Variants in ANKRD12 observed in about 807,000 individuals in gnomAD.
The protein encoded by ANKRD12 is ankyrin repeat domain 12.
A neutral mutation model predicts 183.4 loss-of-function variants in ANKRD12; 85 were observed. The observed-to-expected ratio is 0.46, with a 90% CI of 0.39 to 0.56. The LOEUF (loss-of-function observed/expected upper bound fraction) is 0.56, where lower values mean the gene tolerates loss of function less well. ANKRD12 is among the 20% of genes least tolerant of loss of function. The pLI, the probability that ANKRD12 is intolerant of heterozygous loss-of-function variation, is 0.00. For missense variants in ANKRD12, 2,405 were observed against 2,357.1 expected (o/e 1.02, Z -0.42); for synonymous variants, 914 against 800.2 (o/e 1.14, Z -2.40).
At chr18:9,237,200 A>G (rs1443518370) in intron 8 of ANKRD12, among the ~76,000 whole-genome samples, 1 of 152,166 alleles carries the variant, frequency 6.6e-6, no homozygotes, top group Non-Finnish European at 1.5e-5. Context: ...AACAAAACTC[A>G]AGAGTCCTAG....
intron 1 of ANKRD12, among the ~76,000 whole-genome samples, chr18:9,163,400 G>T (rs2031673867): frequency 6.6e-6 from 1 of 152,066 alleles, no homozygotes; most frequent in South Asian, 2.1e-4. Flanking sequence ...CCATTGGTCT[G>T]TGTGTCTGTT....
At chr18:9,157,602 TA>T (rs1375962857) in intron 1 of ANKRD12, among the ~76,000 whole-genome samples, 33 of 118,822 alleles carry the variant, frequency 2.8e-4, no homozygotes, top group East Asian at 2.7e-4. Flanking sequence ...TATATATATG[TA>T]TTTTTTTTTT....
chr18:9,157,909 G>A (rs2030851104), intron 1 of ANKRD12, among the ~76,000 whole-genome samples: 1 of 152,104 alleles, frequency 6.6e-6, no homozygotes, highest in Non-Finnish European at 1.5e-5. Flanking sequence ...TTTTAATCAT[G>A]AGAAGTCAAA....
At chr18:9,211,903 CT>C (rs1448581927) in intron 6 of ANKRD12, 119 bp downstream of exon 6, 1 of 876,086 alleles carries the variant, frequency 1.1e-6, no homozygotes, top group South Asian at 1.9e-5. Flanking sequence ...TAAAAATACT[CT>C]TTATTACAAA....
chr18:9,281,212 C>T lies in ANKRD12; in HGVS notation c.*86C>T. 1.0e-5 allele frequency: 11 copies of T among 1,095,896 alleles called. No homozygotes were observed. The South Asian group carries it at 1.7e-4, about 17-fold the overall frequency. 67.9% of individuals were successfully genotyped at this position (1,095,896 alleles called of 1,614,324 possible). A position where few individuals can be genotyped will look rare whatever the true frequency, so the allele number is the denominator to read the frequency against. ...AATACTGCCTTTTGACAAAAATACT[C>T]ATGCCTTTACAATTGTTAGTAAAGT... On this transcript the variant is annotated 3_prime_UTR_variant, in exon 13 of 13. Coordinates refer to ENST00000262126, the MANE Select transcript of ANKRD12 (RefSeq NM_015208.5).
chr18:9,151,515 A>G (rs942733694), intron 1 of ANKRD12, among the ~76,000 whole-genome samples: 2 of 152,190 alleles, frequency 1.3e-5, no homozygotes, highest in African/African-American at 2.4e-5. Flanking sequence ...AGGTCAACCA[A>G]AAAGTCTTTG....
intron 1 of ANKRD12, among the ~76,000 whole-genome samples, chr18:9,153,592 C>G (rs561922733): frequency 1.8e-4 from 28 of 152,174 alleles, no homozygotes; most frequent in Middle Eastern, 3.4e-3. Context: ...GTTCTTTCAC[C>G]TTTTCTTATT....
chr18:9,211,667 A>C lies in ANKRD12; in HGVS notation c.535A>C (p.Asn179His). ...TTCATCTCGACAGAAAGATAAAGTTAATAAAAGAAATGAACGTGGTGAAAC... is the reference window on the plus strand; with the variant it reads ...TTCATCTCGACAGAAAGATAAAGTTCATAAAAGAAATGAACGTGGTGAAAC... ...SSSSRQKDKV[N>H]KRNERGETPL... Residue 179 changes from asparagine (N) to histidine (H), a missense_variant, in exon 6 of 13, where the codon AAT becomes CAT. By Grantham distance (68) the Asn-to-His change is moderately conservative (BLOSUM62 1). Transcript: ENST00000262126. 6.2e-7 allele frequency: 1 copy of C among 1,613,936 alleles called. No homozygotes were observed. Among genetic ancestry groups the C allele is most frequent in the Non-Finnish European group, 8.5e-7 (1 of 1,179,874 alleles).
intron 1 of ANKRD12, among the ~76,000 whole-genome samples, chr18:9,170,587 GT>G (rs956107939): frequency 6.6e-6 from 1 of 151,996 alleles, no homozygotes; most frequent in Non-Finnish European, 1.5e-5. Flanking sequence ...CTCTGCATTG[GT>G]TATTCTAGTT....
In ANKRD12 at chr18:9,240,889, T is replaced by C. The variant is rs1230852698; in HGVS notation, c.944-13322T>C. Among the ~76,000 whole-genome samples the C allele has an allele frequency of 3.3e-5, 5 of 152,304 alleles. No individual in the cohort carries two copies. In the East Asian group the frequency reaches 7.7e-4, roughly 23 times the overall value. On this transcript the variant is annotated intron_variant, in intron 8 of 12. Transcript: ENST00000262126. Reference sequence around the variant, plus strand: ...ATGACCAGGACTTTGAAGCCTACTTTTCTCAGTGTTATAACAGTAAATTGT... The same window carrying C: ...ATGACCAGGACTTTGAAGCCTACTTCTCTCAGTGTTATAACAGTAAATTGT...
At chr18:9,254,112 G>A (rs2038456142) in intron 8 of ANKRD12, 99 bp from the exon 9 acceptor site, 4 of 1,260,284 alleles carry the variant, frequency 3.2e-6, no homozygotes, top group East Asian at 5.5e-5. Context: ...TTTGAAATAT[G>A]TATTGTATAA....
chr18:9,252,071 A>T (rs1223982392), intron 8 of ANKRD12, among the ~76,000 whole-genome samples: 1 of 152,130 alleles, frequency 6.6e-6, no homozygotes, highest in Non-Finnish European at 1.5e-5. Context: ...AAACATGGCC[A>T]TTTTTTACTT....
At chr18:9,277,691 G>A (rs981661625) in intron 11 of ANKRD12, among the ~76,000 whole-genome samples, 3 of 152,080 alleles carry the variant, frequency 2.0e-5, no homozygotes, top group Non-Finnish European at 2.9e-5. Flanking sequence ...CAAATTCATA[G>A]CAGAGCTGGA....
chr18:9,256,595 T>A lies in ANKRD12; in HGVS notation c.3328T>A (p.Leu1110Met). ...AATTAAGCAAAAAGAAAAGGAACGG[T>A]TGAGAAACCGAAACTGTTTAGAACT... ...EKIKQKEKER[L>M]RNRNCLELKI... Residue 1110 changes from leucine (L) to methionine (M), a missense_variant, in exon 9 of 13, where the codon TTG becomes ATG. By Grantham distance (15) the Leu-to-Met change is conservative. Transcript: ENST00000262126. 1 of 1,602,134 alleles carries A rather than the reference T, an allele frequency of 6.2e-7. No individual in the cohort carries two copies. Among genetic ancestry groups the A allele is most frequent in the Middle Eastern group, 1.7e-4 (1 of 5,966 alleles).
At chr18:9,193,338 G>GT (rs2034576353) in intron 2 of ANKRD12, among the ~76,000 whole-genome samples, 1 of 151,642 alleles carries the variant, frequency 6.6e-6, no homozygotes, top group Non-Finnish European at 1.5e-5. Flanking sequence ...CAAGGTCAGG[G>GT]TCCCCCTGTG....
intron 6 of ANKRD12, among the ~76,000 whole-genome samples, chr18:9,212,685 G>GCC (rs149658598): frequency 6.6e-6 from 1 of 150,694 alleles, no homozygotes; most frequent in East Asian, 1.9e-4. Context: ...AATGGAAATT[G>GCC]CCCCCCCCAA....
chr18:9,175,859 C>T (rs2033223916), intron 1 of ANKRD12, among the ~76,000 whole-genome samples: 1 of 152,080 alleles, frequency 6.6e-6, no homozygotes, highest in Non-Finnish European at 1.5e-5. Context: ...TCAGCCTCAT[C>T]CTATAGGTGA....
intron 8 of ANKRD12, among the ~76,000 whole-genome samples, chr18:9,236,466 T>C (rs578094195): frequency 3.9e-5 from 6 of 152,336 alleles, no homozygotes; most frequent in African/African-American, 1.4e-4. Context: ...AATACTTTTC[T>C]GAGCTTAAAA....
intron 7 of ANKRD12, among the ~76,000 whole-genome samples, chr18:9,219,014 G>C (rs1455609391): frequency 6.6e-6 from 1 of 152,010 alleles, no homozygotes; most frequent in African/African-American, 2.4e-5. Context: ...TTTTAGATAC[G>C]TATCATCTTT....
Sources: gnomAD v4.1 joint callset for allele counts (sites outside exome capture counted in the v4.1 genomes callset) on GRCh38, gnomAD v4.1.1 for gene constraint, MANE v1.5 for transcripts, NCBI Gene and HGNC (gene_info 2026-07-23, HGNC 2026-07-21) for gene names.